The following NEK11 variants were observed in gnomAD, a reference collection of about 807,000 sequenced individuals.
The protein encoded by NEK11 is serine/threonine-protein kinase Nek11.
Under a neutral mutation model 80.7 loss-of-function variants are expected in NEK11, and 72 were observed. That is an observed-to-expected ratio of 0.89 (90% CI 0.74 to 1.08). The LOEUF (loss-of-function observed/expected upper bound fraction) is 1.08. Ranked by LOEUF, NEK11 falls within the 50% of genes least tolerant of loss-of-function variation. The pLI is 0.00. For missense variants in NEK11, 764 were observed against 763.6 expected, an observed-to-expected ratio of 1.00 and a Z score of -0.01; for synonymous variants, 251 against 260.7, an observed-to-expected ratio of 0.96 and a Z score of 0.36.
chr3:131,059,525 T>G (rs1342476524), intron 3 of NEK11, among the ~76,000 whole-genome samples: 1 of 152,214 alleles, frequency 6.6e-6, no homozygotes, highest in Non-Finnish European at 1.5e-5. Flanking sequence ...GGCACACCAT[T>G]CATTGATGCC....
At chr3:131,320,445 A>G (rs935268157) in intron 17 of NEK11, among the ~76,000 whole-genome samples, 1 of 152,144 alleles carries the variant, frequency 6.6e-6, no homozygotes, top group Non-Finnish European at 1.5e-5. Flanking sequence ...CAGTAGACTA[A>G]TTAATACTAA....
chr3:131,157,919 CA>C (rs915635310), intron 10 of NEK11, among the ~76,000 whole-genome samples: 5 of 152,132 alleles, frequency 3.3e-5, no homozygotes, highest in African/African-American at 1.2e-4. Flanking sequence ...AGGGGCAGCA[CA>C]CCAGCTGATG....
At chr3:131,107,354 G>A in intron 4 of NEK11, among the ~76,000 whole-genome samples, 1 of 142,618 alleles carries the variant, frequency 7.0e-6, no homozygotes, top group Non-Finnish European at 1.6e-5. Context: ...AAAACTTAAA[G>A]TATAATAATA....
chr3:131,152,643 G>T lies in NEK11; in HGVS notation c.810G>T (p.Lys270Asn), dbSNP rs745984195. 1.2e-6 allele frequency: 2 copies of T among 1,613,642 alleles called. No homozygotes were observed. Among genetic ancestry groups the T allele is most frequent in the South Asian group, 2.2e-5 (2 of 90,992 alleles). Residue 270 changes from lysine to asparagine, a missense_variant, in exon 9 of 18, where the codon AAG becomes AAT. Physicochemically the swap from Lys to Asn is moderately conservative, Grantham distance 94. Transcript: ENST00000383366. The stretch of plus-strand genomic sequence containing the variant: ...TTAAACATTACAGCATGTTGAACAA[G>T]AATCCTTCATTAAGACCATCTGCTA... ...LNAIMESMLN[K>N]NPSLRPSAIE...
chr3:131,126,612 C>A (rs1436513981), intron 5 of NEK11, among the ~76,000 whole-genome samples: 1 of 152,154 alleles, frequency 6.6e-6, no homozygotes, highest in East Asian at 1.9e-4. Flanking sequence ...TCTTTTCTTT[C>A]AGTTGATTCT....
chr3:131,336,864 A>G (rs1362067474), intron 17 of NEK11, among the ~76,000 whole-genome samples: 1 of 152,260 alleles, frequency 6.6e-6, no homozygotes, highest in Admixed American at 6.5e-5. Context: ...ACATGTAAAA[A>G]TGCTCATCAT....
intron 3 of NEK11, among the ~76,000 whole-genome samples, chr3:131,080,107 A>G (rs766498783): frequency 6.6e-6 from 1 of 152,026 alleles, no homozygotes; most frequent in Non-Finnish European, 1.5e-5. Context: ...ATAGATAACT[A>G]TAAGAGAAAC....
intron 3 of NEK11, among the ~76,000 whole-genome samples, chr3:131,062,554 A>G (rs2071079250): frequency 6.6e-6 from 1 of 152,222 alleles, no homozygotes; most frequent in Non-Finnish European, 1.5e-5. Flanking sequence ...CTACACCCTT[A>G]AAAAGTTATC....
At chr3:131,246,126 T>G (rs190283244) in intron 16 of NEK11, among the ~76,000 whole-genome samples, 97 of 152,202 alleles carry the variant, frequency 6.4e-4, no homozygotes, top group Middle Eastern at 3.4e-3. Context: ...TTCCAATAGG[T>G]TTTTGGGGAA....
intron 14 of NEK11, among the ~76,000 whole-genome samples, chr3:131,227,668 A>G (rs1216455786): frequency 2.0e-5 from 3 of 152,088 alleles, no homozygotes; most frequent in African/African-American, 4.8e-5. Flanking sequence ...TAAAATGCCC[A>G]TTGTTTTGCT....
chr3:131,318,644 T>C (rs2109658790), intron 17 of NEK11, among the ~76,000 whole-genome samples: 1 of 152,036 alleles, frequency 6.6e-6, no homozygotes, highest in East Asian at 1.9e-4. Flanking sequence ...GTGAGCTCTC[T>C]AGAGTATATT....
At chr3:131,249,126 G>GA (rs953189599) in intron 16 of NEK11, among the ~76,000 whole-genome samples, 9 of 150,154 alleles carry the variant, frequency 6.0e-5, no homozygotes, top group Admixed American at 1.3e-4. Flanking sequence ...TAAACCTACA[G>GA]AAAAAAAAGA....
intron 17 of NEK11, among the ~76,000 whole-genome samples, chr3:131,306,579 G>A (rs1379070951): frequency 6.6e-6 from 1 of 152,138 alleles, no homozygotes; most frequent in Non-Finnish European, 1.5e-5. Flanking sequence ...AACTGGAGTT[G>A]GACATTTTCT....
intron 5 of NEK11, among the ~76,000 whole-genome samples, chr3:131,120,651 A>G (rs1310202917): frequency 1.3e-5 from 2 of 152,058 alleles, no homozygotes; most frequent in South Asian, 2.1e-4. Flanking sequence ...ACATACTCCT[A>G]TATTTCTTGG....
rs976510067 is a variant in NEK11 at position 131,062,965 on chromosome 3, G to A, written c.171-17458G>A. Reference sequence around the variant, plus strand: ...TCAGGGCAGTGTTGGCCCAGCTGATGAAGATAATCTCTCAACAGAATCAGA... The same window carrying A: ...TCAGGGCAGTGTTGGCCCAGCTGATAAAGATAATCTCTCAACAGAATCAGA... On this transcript the variant is annotated intron_variant, in intron 3 of 17. Transcript: ENST00000383366. 3.9e-5 allele frequency among the ~76,000 whole-genome samples: 6 copies of A among 152,236 alleles called. 1 individual carries two copies. Among genetic ancestry groups the A allele is most frequent in the Non-Finnish European group, 5.9e-5 (4 of 68,040 alleles).
intron 14 of NEK11, among the ~76,000 whole-genome samples, chr3:131,184,039 T>C (rs935042138): frequency 6.6e-6 from 1 of 152,204 alleles, no homozygotes; most frequent in African/African-American, 2.4e-5. Context: ...TGTCATTCGA[T>C]GCCTCGCCTC....
At chr3:131,233,392 T>A (rs182162299) in intron 15 of NEK11, among the ~76,000 whole-genome samples, 123 of 152,228 alleles carry the variant, frequency 8.1e-4, no homozygotes, top group Admixed American at 9.2e-4. Flanking sequence ...TGCAGCAGGG[T>A]CTATCTTGAA....
intron 17 of NEK11, among the ~76,000 whole-genome samples, chr3:131,304,162 G>A (rs549816686): frequency 3.9e-5 from 6 of 152,196 alleles, no homozygotes; most frequent in African/African-American, 1.4e-4. Flanking sequence ...ACCAGCATTT[G>A]AGCTTTGAAA....
chr3:131,062,037 A>G (rs1460352761), intron 3 of NEK11, among the ~76,000 whole-genome samples: 1 of 152,250 alleles, frequency 6.6e-6, no homozygotes, highest in Non-Finnish European at 1.5e-5. Flanking sequence ...TAGGCACCAA[A>G]GAGCAAGTAA....
Sources: allele counts gnomAD v4.1 joint callset (sites outside exome capture counted in the v4.1 genomes callset), GRCh38; gene constraint gnomAD v4.1.1; transcripts MANE v1.5; gene names NCBI Gene and HGNC (gene_info 2026-07-23, HGNC 2026-07-21).